GPR155: variants seen among roughly 807,000 people sequenced by gnomAD.
The protein encoded by GPR155 is lysosomal cholesterol signaling protein.
In GPR155, 65 loss-of-function variants were observed where a neutral mutation model predicts 93.1. The ratio of observed to expected loss-of-function variants is 0.70; its 90% CI spans 0.57 to 0.86. The LOEUF (loss-of-function observed/expected upper bound fraction) is 0.86, where lower values mean the gene tolerates loss of function less well. GPR155 is among the 40% of genes least tolerant of loss of function. GPR155 has a pLI of 0.00. For missense variants in GPR155, 838 were observed against 1,034.8 expected (o/e 0.81, Z 2.61); for synonymous variants, 319 against 360.1 (o/e 0.89, Z 1.29).
At chr2:174,442,359 G>A (rs1002200866) in intron 13 of GPR155, among the ~76,000 whole-genome samples, 176 bp from the exon 14 acceptor site, 1 of 152,174 alleles carries the variant, frequency 6.6e-6, no homozygotes, top group African/African-American at 2.4e-5. Context: ...ATGCTTTGCT[G>A]CCTTTTCCCA....
At chr2:174,470,583 C>A in intron 3 of GPR155, 28 bp from the exon 4 acceptor site, 1 of 1,601,106 alleles carries the variant, frequency 6.2e-7, no homozygotes, top group Non-Finnish European at 8.5e-7. Flanking sequence ...ACATCATTTA[C>A]CTGATATCAA....
intron 5 of GPR155, among the ~76,000 whole-genome samples, 172 bp from the exon 6 acceptor site, chr2:174,466,799 T>TG (rs1553518056): frequency 6.6e-5 from 10 of 152,308 alleles, no homozygotes; most frequent in Non-Finnish European, 1.5e-5. Context: ...TTATAACCAA[T>TG]GTAAAATAAC....
intron 7 of GPR155, among the ~76,000 whole-genome samples, chr2:174,464,074 A>T (rs1687773307): frequency 6.6e-6 from 1 of 152,206 alleles, no homozygotes; most frequent in Non-Finnish European, 1.5e-5. Flanking sequence ...TTGTGAAAAG[A>T]ACTATATACA....
chr2:174,475,812 G>A (rs1051063865), intron 2 of GPR155, among the ~76,000 whole-genome samples: 1 of 152,092 alleles, frequency 6.6e-6, no homozygotes, highest in African/African-American at 2.4e-5. Context: ...TTATAATAGA[G>A]CAGATATTTT....
intron 1 of GPR155, among the ~76,000 whole-genome samples, chr2:174,482,441 C>G (rs1688353277): frequency 6.6e-6 from 1 of 152,164 alleles, no homozygotes. Context: ...GTTCTCAAGG[C>G]TACATTGAGG....
Position 174,481,898 on chromosome 2 carries a change from A to G in GPR155, c.59T>C (p.Leu20Ser). 1 of 1,614,146 alleles carries G rather than the reference A, an allele frequency of 6.2e-7. No individual in the cohort carries two copies. The highest frequency in any genetic ancestry group is 8.5e-7 in the Non-Finnish European group (1 of 1,179,998). Residue 20 changes from leucine to serine, a missense_variant, in exon 2 of 16, where the codon TTG (leucine) becomes TCG (serine). By Grantham distance (145) the Leu-to-Ser change is moderately radical (BLOSUM62 -2). Transcript: ENST00000392552. ...LTIAVNMTKT[L>S]PTAVTHGFNS... ...AAATCCATGCGTTACTGCTGTAGGC[A>G]AAGTCTTGGTCATATTGACTGCAAT...
intron 13 of GPR155, among the ~76,000 whole-genome samples, chr2:174,442,532 T>G (rs999960603): frequency 6.6e-6 from 1 of 152,238 alleles, no homozygotes. Context: ...TATTTTTCCA[T>G]GAAACCTCAC....
chr2:174,442,746 T>C (rs34452289), intron 13 of GPR155, among the ~76,000 whole-genome samples: 37,973 of 152,044 alleles, frequency 0.25, 5,673 homozygotes, highest in Middle Eastern at 0.47. Context: ...GGAGCTGCCA[T>C]CTGTGTCACA....
rs117386761 is a variant in GPR155, at chr2:174,437,988, C to T, written c.2313-1572G>A. On this transcript the variant is annotated intron_variant, in intron 15 of 15. Coordinates refer to ENST00000392552, the MANE Select transcript of GPR155 (RefSeq NM_152529.7). ...GCCCATGGCTGGGTATGGTGGCTCA[C>T]GCTTGTAATCCCAGCACTTTTTTTG... 3.7e-3 allele frequency among the ~76,000 whole-genome samples: 564 copies of T among 151,714 alleles called. 16 individuals are homozygous for T. The East Asian group carries it at 0.049, about 13-fold the overall frequency.
rs1337527218 is a variant in GPR155, at chr2:174,434,124, CTAAT to C, written c.*1988_*1991del. ...TACAGGTGCACACCACCACACCTGG[CTAAT>C]TTTTTTTTTTTTTTTTTTTTTTAGT... is the stretch of plus-strand genomic sequence containing the variant. On this transcript the variant is annotated 3_prime_UTR_variant, in exon 16 of 16. Transcript: ENST00000392552. 1.4e-5 allele frequency: 2 copies of C among 143,112 alleles called. No homozygotes were observed. Among genetic ancestry groups the C allele is most frequent in the Non-Finnish European group, 3.0e-5 (2 of 66,764 alleles). The allele number at this position is 143,112 out of a possible 1,614,324, so 8.9% of individuals were successfully genotyped here. A position where few individuals can be genotyped will look rare whatever the true frequency, so the allele number is the denominator to read the frequency against.
intron 9 of GPR155, among the ~76,000 whole-genome samples, chr2:174,460,713 G>C (rs1687666545): frequency 6.6e-6 from 1 of 152,074 alleles, no homozygotes. Context: ...TCCTGTTTCT[G>C]CTCACTTCCA....
intron 4 of GPR155, among the ~76,000 whole-genome samples, 198 bp downstream of exon 4, chr2:174,470,192 G>T (rs1000874141): frequency 6.6e-6 from 1 of 152,162 alleles, no homozygotes; most frequent in Non-Finnish European, 1.5e-5. Flanking sequence ...GGGCACGGTG[G>T]CTCATGCCTG....
chr2:174,476,898 C>A (rs1382786269), intron 2 of GPR155, among the ~76,000 whole-genome samples: 1 of 152,180 alleles, frequency 6.6e-6, no homozygotes, highest in Admixed American at 6.6e-5. Flanking sequence ...TCATTAATCT[C>A]CCCTCCTCTG....
At chr2:174,484,643 T>C (rs1688421503) in intron 1 of GPR155, among the ~76,000 whole-genome samples, 1 of 152,196 alleles carries the variant, frequency 6.6e-6, no homozygotes, top group African/African-American at 2.4e-5. Context: ...AAAACCTCCC[T>C]ATAGGGATCA....
intron 9 of GPR155, among the ~76,000 whole-genome samples, chr2:174,460,318 A>C (rs1349627049): frequency 6.6e-6 from 1 of 151,368 alleles, no homozygotes. Context: ...CCGCCACCAC[A>C]ACCCAGCTAA....
At chr2:174,455,753 A>G (rs1284357017) in intron 10 of GPR155, among the ~76,000 whole-genome samples, 1 of 152,224 alleles carries the variant, frequency 6.6e-6, no homozygotes, top group East Asian at 1.9e-4. Flanking sequence ...GGAACCACTA[A>G]AAGAAAGATA....
At chr2:174,449,898 C>G (rs1383540344) in intron 11 of GPR155, among the ~76,000 whole-genome samples, 1 of 152,180 alleles carries the variant, frequency 6.6e-6, no homozygotes, top group Non-Finnish European at 1.5e-5. Flanking sequence ...ATTGCTTGAA[C>G]CTGGGAGGCG....
chr2:174,433,868 T>A lies in GPR155; in HGVS notation c.*2248A>T, dbSNP rs1206910867. On this transcript the variant is annotated 3_prime_UTR_variant, in exon 16 of 16. Transcript: ENST00000392552. ...TGTTTTAGTAGCTAAAATATTAGAC[T>A]AAGAGAAAAGGCAACATTTAGTAAT... The A allele has an allele frequency of 6.6e-6, 1 of 152,202 alleles. No homozygotes were observed. Among genetic ancestry groups the A allele is most frequent in the Non-Finnish European group, 1.5e-5 (1 of 68,038 alleles). 9.4% of individuals were successfully genotyped at this position (152,202 alleles called of 1,614,324 possible). A position where few individuals can be genotyped will look rare whatever the true frequency, so the allele number is the denominator to read the frequency against.
At chr2:174,448,522 T>TTC (rs1687213413) in intron 11 of GPR155, among the ~76,000 whole-genome samples, 1 of 114,396 alleles carries the variant, frequency 8.7e-6, no homozygotes, top group African/African-American at 3.7e-5. Flanking sequence ...TTTTGTTTTT[T>TTC]GTTTTTTGTT....
Sources: allele counts gnomAD v4.1 joint callset (sites outside exome capture counted in the v4.1 genomes callset), GRCh38; gene constraint gnomAD v4.1.1; transcripts MANE v1.5; gene names NCBI Gene and HGNC (gene_info 2026-07-23, HGNC 2026-07-21).